Variants in RIMBP2 observed in about 807,000 individuals in gnomAD.
RIMBP2 encodes the protein RIMS binding protein 2.
In RIMBP2, 48 loss-of-function variants were observed where a neutral mutation model predicts 118.6. That is an observed-to-expected ratio of 0.40 (90% CI 0.32 to 0.51). RIMBP2 has a LOEUF of 0.51. Among genes scored for constraint, RIMBP2 ranks in the 20% least tolerant of loss-of-function variants. The pLI is 0.41. For missense variants in RIMBP2, 1,551 were observed against 1,768.3 expected, an observed-to-expected ratio of 0.88 and a Z score of 2.20; for synonymous variants, 762 against 742.9, an observed-to-expected ratio of 1.03 and a Z score of -0.42.
chr12:130,551,913 T>C (rs2055825603), intron 2 of RIMBP2, among the ~76,000 whole-genome samples: 3 of 152,232 alleles, frequency 2.0e-5, no homozygotes, highest in Admixed American at 1.3e-4. Context: ...ATTATGTTAG[T>C]GGCAAATCAT....
chr12:130,483,682 C>T (rs1487025386), intron 4 of RIMBP2, among the ~76,000 whole-genome samples: 6 of 134,980 alleles, frequency 4.4e-5, no homozygotes, highest in African/African-American at 1.3e-4. Context: ...CCCACCTAGA[C>T]ACAGTGCCCG....
At chr12:130,458,761 T>C (rs1214674901) in intron 6 of RIMBP2, among the ~76,000 whole-genome samples, 1 of 152,058 alleles carries the variant, frequency 6.6e-6, no homozygotes, top group Admixed American at 6.5e-5. Context: ...CTAACTAAAA[T>C]AGGCCAGGCA....
chr12:130,632,909 C>G (rs115883997), intron 1 of RIMBP2, among the ~76,000 whole-genome samples: 1 of 152,096 alleles, frequency 6.6e-6, no homozygotes, highest in African/African-American at 2.4e-5. Context: ...TTACTGCTGC[C>G]GTGGAACACC....
At position 130,445,185 on chromosome 12, in the gene RIMBP2, G is replaced by T; in HGVS notation, c.666C>A (p.Asp222Glu). The T allele has an allele frequency of 6.2e-7, 1 of 1,611,118 alleles. No individual in the cohort carries two copies. The highest frequency in any genetic ancestry group is 8.5e-7 in the Non-Finnish European group (1 of 1,178,786). ...TAGKYLYVYG[D>E]MDEDGFYEGE... ...CTTCATAGAACCCATCCTCATCCAT[G>T]TCTCCATAGACGTAGAGGTATTTTC... The change falls in exon 10 of 23, where the codon GAC (aspartate) becomes GAA (glutamate). Residue 222 changes from aspartate (D) to glutamate (E), a missense_variant. Transcript: ENST00000690449.
At chr12:130,542,364 C>G (rs2054700668) in intron 2 of RIMBP2, among the ~76,000 whole-genome samples, 2 of 152,286 alleles carry the variant, frequency 1.3e-5, no homozygotes, top group Admixed American at 1.3e-4. Flanking sequence ...GACATCAAAT[C>G]TAGTCTACAA....
chr12:130,418,983 G>C (rs972706181), intron 17 of RIMBP2, among the ~76,000 whole-genome samples: 1 of 152,204 alleles, frequency 6.6e-6, no homozygotes, highest in Non-Finnish European at 1.5e-5. Context: ...GACAGGTGTG[G>C]GGTAGAGGTG....
At chr12:130,715,960 AAGCCCGTC>A (rs1383430583) in intron 1 of RIMBP2, among the ~76,000 whole-genome samples, 1 of 152,114 alleles carries the variant, frequency 6.6e-6, no homozygotes, top group Non-Finnish European at 1.5e-5. Flanking sequence ...ACCCAGGAAG[AAGCCCGTC>A]AGCCCTTCCC....
intron 4 of RIMBP2, among the ~76,000 whole-genome samples, chr12:130,481,824 G>A (rs1034771792): frequency 7.2e-5 from 11 of 152,026 alleles, no homozygotes; most frequent in East Asian, 1.9e-4. Flanking sequence ...CCCGAGATCC[G>A]CCCTGACACA....
chr12:130,564,217 C>T (rs1381628107), intron 2 of RIMBP2, among the ~76,000 whole-genome samples: 3 of 151,266 alleles, frequency 2.0e-5, no homozygotes, highest in Non-Finnish European at 4.4e-5. Flanking sequence ...GGCTAACTCC[C>T]CCACCCTTCA....
chr12:130,524,908 G>A (rs1327917974), intron 2 of RIMBP2, among the ~76,000 whole-genome samples: 1 of 152,188 alleles, frequency 6.6e-6, no homozygotes, highest in East Asian at 1.9e-4. Flanking sequence ...AGAAAGTGCA[G>A]GTTTAAGGGA....
chr12:130,639,880 C>G (rs2062537430), intron 1 of RIMBP2, among the ~76,000 whole-genome samples: 2 of 152,206 alleles, frequency 1.3e-5, no homozygotes, highest in African/African-American at 4.8e-5. Flanking sequence ...GCTCCATTCT[C>G]CAGAGATGTA....
At chr12:130,668,508 A>C (rs2064050921) in intron 1 of RIMBP2, 2 of 152,532 alleles carry the variant, frequency 1.3e-5, no homozygotes, top group East Asian at 3.9e-4. Flanking sequence ...AGATGGTCAG[A>C]TGGTCAGATC....
At chr12:130,590,933 G>GC (rs2059216789) in intron 2 of RIMBP2, among the ~76,000 whole-genome samples, 1 of 152,198 alleles carries the variant, frequency 6.6e-6, no homozygotes, top group African/African-American at 2.4e-5. Context: ...TCGCCCCAGA[G>GC]CAAGTGCAGC....
intron 4 of RIMBP2, among the ~76,000 whole-genome samples, chr12:130,487,636 C>T (rs533587144): frequency 1.2e-4 from 18 of 152,286 alleles, no homozygotes; most frequent in Non-Finnish European, 2.1e-4. Context: ...CAACACAAAA[C>T]GGACAAAGAC....
chr12:130,580,926 G>GGT (rs34292565), intron 2 of RIMBP2, among the ~76,000 whole-genome samples: 71,253 of 149,302 alleles, frequency 0.48, 17,210 homozygotes, highest in Admixed American at 0.59. Context: ...ACCCAGCAAT[G>GGT]GTGTGTGTGT....
chr12:130,404,797 T>G (rs909615181), intron 21 of RIMBP2, among the ~76,000 whole-genome samples: 2 of 152,150 alleles, frequency 1.3e-5, no homozygotes, highest in Non-Finnish European at 2.9e-5. Context: ...TGGGACTCTT[T>G]ACAAAATGTT....
chr12:130,575,780 CGCTCACATGG>C, intron 2 of RIMBP2, among the ~76,000 whole-genome samples: 1 of 152,170 alleles, frequency 6.6e-6, no homozygotes. Flanking sequence ...GCCCTGGAGC[CGCTCACATGG>C]GCTCACAGGA....
At chr12:130,415,855 T>C (rs1298527272) in intron 17 of RIMBP2, among the ~76,000 whole-genome samples, 1 of 152,162 alleles carries the variant, frequency 6.6e-6, no homozygotes. Context: ...TTCAATAAAA[T>C]TTCAGGATAC....
rs759748598 is a variant in RIMBP2 at position 130,436,951 on chromosome 12, G to A, written c.1997C>T (p.Ser666Leu). Reference sequence around the variant, plus strand: ...TGGCAGGATGCGGCTGGGTGAGGGCGACCGCCTTCCGGGGCCCACGGGCGG... The same window carrying A: ...TGGCAGGATGCGGCTGGGTGAGGGCAACCGCCTTCCGGGGCCCACGGGCGG... ...LEPPVGPGRR[S>L]PSPSRILPQP... The change falls in exon 13 of 23, where the codon TCG becomes TTG. Residue 666 changes from serine (S) to leucine (L), a missense_variant. Around this residue, in one of 5 missense-constraint regions of RIMBP2, gnomAD observed 1,038 missense variants for 1,125.1 expected, o/e 0.92. Transcript: ENST00000690449. 6.2e-6 allele frequency: 10 copies of A among 1,603,672 alleles called. No homozygotes were observed. The highest frequency in any genetic ancestry group is 1.3e-5 in the African/African-American group (1 of 74,954).
Sources: allele counts gnomAD v4.1 joint callset (sites outside exome capture counted in the v4.1 genomes callset), GRCh38; gene constraint gnomAD v4.1.1; regional missense constraint gnomAD v4.1.1; transcripts MANE v1.5; gene names NCBI Gene and HGNC (gene_info 2026-07-23, HGNC 2026-07-21).